Variants in BPIFB3 observed in about 807,000 individuals in gnomAD.
BPIFB3 encodes the protein BPI fold containing family B member 3, also known as BPI fold-containing family B member 3.
A neutral mutation model predicts 53.1 loss-of-function variants in BPIFB3; 49 were observed. The ratio of observed to expected loss-of-function variants is 0.92; its 90% confidence interval spans 0.73 to 1.17. The LOEUF is 1.17. Ranked by LOEUF, BPIFB3 falls within the 50% of genes most tolerant of loss-of-function variation. BPIFB3 has a pLI of 0.00. For synonymous variants in BPIFB3, 271 were observed against 269.6 expected (o/e 1.01, Z -0.05); for missense variants, 628 against 592.5 (o/e 1.06, Z -0.62).
chr20:33,068,694 G>A (rs558359137), intron 9 of BPIFB3, 109 bp from the exon 11 acceptor site: 28 of 1,159,896 alleles, frequency 2.4e-5, no homozygotes, highest in Admixed American at 1.6e-4. Context: ...CTGTAACCTC[G>A]TTGCCCAGCA....
intron 1 of BPIFB3, 43 bp from the exon 3 acceptor site, chr20:33,056,498 AG>A: frequency 6.2e-7 from 1 of 1,608,826 alleles, no homozygotes; most frequent in Non-Finnish European, 8.5e-7. Context: ...CCTGGGGGTG[AG>A]GTTGGAGTTT....
intron 14 of BPIFB3, 35 bp from the exon 16 acceptor site, chr20:33,073,541 T>G (rs200613397): frequency 6.2e-7 from 1 of 1,613,582 alleles, no homozygotes; most frequent in Admixed American, 1.7e-5. Context: ...TTGCAGAGAC[T>G]CAGGGGTGTA....
At chr20:33,069,682 A>G (rs953253938) in intron 10 of BPIFB3, among the ~76,000 whole-genome samples, 8 of 152,176 alleles carry the variant, frequency 5.3e-5, no homozygotes, top group South Asian at 2.1e-4. Flanking sequence ...TACATTACCA[A>G]TTGCCCTCAA....
upstream of BPIFB3, chr20:33,055,277 T>C: frequency 2.4e-6 from 3 of 1,226,026 alleles, no homozygotes; most frequent in South Asian, 1.4e-5. Flanking sequence ...TGCTTACATT[T>C]GGGAGGAGAA....
At chr20:33,054,682 C>A (rs1346295403), upstream of BPIFB3, among the ~76,000 whole-genome samples, 1 of 152,108 alleles carries the variant, frequency 6.6e-6, no homozygotes, top group Non-Finnish European at 1.5e-5. Context: ...TGGGTTTCAA[C>A]CCAGGGCAGC....
In BPIFB3 at chr20:33,063,598, G is replaced by A. The variant is rs778792599; in HGVS notation, c.592-17G>A. On this transcript the variant is annotated splice_polypyrimidine_tract_variant and intron_variant, in intron 5 of 14. Transcript: ENST00000375494. Reference sequence around the variant, plus strand: ...TGAGCTCTTCTTTGCCCTGTAACATGTGTCTCCCTGACACAGCTGTGCCCC... The same window carrying A: ...TGAGCTCTTCTTTGCCCTGTAACATATGTCTCCCTGACACAGCTGTGCCCC... 6.2e-6 allele frequency: 10 copies of A among 1,613,678 alleles called. No individual in the cohort carries two copies. In the African/African-American group the frequency reaches 1.1e-4, roughly 17 times the overall value.
At chr20:33,063,925 G>GCA (rs1428164006) in intron 6 of BPIFB3, among the ~76,000 whole-genome samples, 3 of 152,160 alleles carry the variant, frequency 2.0e-5, no homozygotes, top group African/African-American at 7.2e-5. Flanking sequence ...CACTTACTGA[G>GCA]CACCTAGTGT....
chr20:33,067,385 T>C (rs546679802), intron 9 of BPIFB3, among the ~76,000 whole-genome samples: 1 of 152,318 alleles, frequency 6.6e-6, no homozygotes, highest in South Asian at 2.1e-4. Flanking sequence ...GAATTCGTAC[T>C]GAAGTTAAAA....
chr20:33,063,422 C>A (rs529826991), intron 5 of BPIFB3, among the ~76,000 whole-genome samples, 193 bp from the exon 7 acceptor site: 1 of 152,216 alleles, frequency 6.6e-6, no homozygotes, highest in Non-Finnish European at 1.5e-5. Context: ...TGGGGGCCAC[C>A]CAACCCTCTG....
chr20:33,058,381 C>T (rs6059060), intron 2 of BPIFB3, among the ~76,000 whole-genome samples: 89,893 of 151,894 alleles, frequency 0.59, 27,990 homozygotes, highest in East Asian at 0.82. Flanking sequence ...ATGGGGAAAC[C>T]GAGGCACAGC....
At chr20:33,064,899 T>G in intron 8 of BPIFB3, 54 bp downstream of exon 9, 1 of 1,564,354 alleles carries the variant, frequency 6.4e-7, no homozygotes, top group Non-Finnish European at 8.7e-7. Flanking sequence ...TGCTGTGCCT[T>G]GGCATTACTA....
chr20:33,071,446 G>A, intron 12 of BPIFB3, 151 bp downstream of exon 13: 1 of 873,954 alleles, frequency 1.1e-6, no homozygotes, highest in Admixed American at 2.4e-5. Context: ...CAAATATCAG[G>A]GCGGGTGTGC....
chr20:33,064,861 G>C lies in BPIFB3; in HGVS notation c.924+16G>C, dbSNP rs556106617. On this transcript the variant is annotated intron_variant, in intron 8 of 14. Coordinates refer to ENST00000375494, the Ensembl canonical transcript of BPIFB3. Reference sequence around the variant, plus strand: ...CCCTGAGCTGGTGAGTGTGGTGCCCGGGGGATGGGGATGGGGGCTCCTTGC... The same window carrying C: ...CCCTGAGCTGGTGAGTGTGGTGCCCCGGGGATGGGGATGGGGGCTCCTTGC... 7 of 1,606,548 alleles carry C rather than the reference G, an allele frequency of 4.4e-6. No homozygotes were observed. The highest frequency in any genetic ancestry group is 5.1e-6 in the Non-Finnish European group (6 of 1,178,092).
Position 33,072,869 on chromosome 20 carries a change from G to A in BPIFB3, c.1401+76G>A, listed in dbSNP as rs112877505. 1.7e-4 allele frequency: 216 copies of A among 1,248,394 alleles called. 2 individuals are homozygous for A. In the African/African-American group the frequency reaches 2.4e-3, roughly 14 times the overall value. 77.3% of individuals were successfully genotyped at this position (1,248,394 alleles called of 1,614,324 possible). ...GAAAGCTCTGCTTGAAACTAATGAGGGGAATGCTTTGCTTCATCCTCTTGT... is the reference window on the plus strand; with the variant it reads ...GAAAGCTCTGCTTGAAACTAATGAGAGGAATGCTTTGCTTCATCCTCTTGT... On this transcript the variant is annotated intron_variant, in intron 14 of 14. Transcript: ENST00000375494.
intron 12 of BPIFB3, 146 bp from the exon 14 acceptor site, chr20:33,071,958 A>T (rs6059067): frequency 0.37 from 279,103 of 751,914 alleles, 54,186 homozygotes; most frequent in African/African-American, 0.52. Flanking sequence ...CCAAGTGCCC[A>T]GTGCCTGCCA....
chr20:33,062,430 G>A (rs556072849), intron 5 of BPIFB3, among the ~76,000 whole-genome samples: 1 of 152,150 alleles, frequency 6.6e-6, no homozygotes, highest in Non-Finnish European at 1.5e-5. Flanking sequence ...TCTTGCGAAC[G>A]CTGCTGGGGG....
rs202238178 is a variant in BPIFB3, at chr20:33,063,689, C to G, written c.652+14C>G. The G allele has an allele frequency of 6.2e-7, 1 of 1,612,424 alleles. No homozygotes were observed. Among genetic ancestry groups the G allele is most frequent in the Non-Finnish European group, 8.5e-7 (1 of 1,179,136 alleles). On this transcript the variant is annotated intron_variant, in intron 6 of 14. Coordinates refer to ENST00000375494, the Ensembl canonical transcript of BPIFB3. ...GGGCTGTGCTGGGTAAGTCAGGGCT[C>G]AATGCCCTCCTCTTTGCCCCTTCTA...
At chr20:33,071,951 A>T (rs1980916132) in intron 12 of BPIFB3, among the ~76,000 whole-genome samples, 153 bp from the exon 14 acceptor site, 1 of 152,122 alleles carries the variant, frequency 6.6e-6, no homozygotes, top group South Asian at 2.1e-4. Flanking sequence ...GCCACCCCCA[A>T]GTGCCCAGTG....
At position 33,064,864 on chromosome 20, in the gene BPIFB3, G is replaced by A. The variant is rs1600541326; in HGVS notation, c.924+19G>A. On this transcript the variant is annotated intron_variant, in intron 8 of 14. Transcript: ENST00000375494. ...TGAGCTGGTGAGTGTGGTGCCCGGGGGATGGGGATGGGGGCTCCTTGCCCT... is the reference window on the plus strand; with the variant it reads ...TGAGCTGGTGAGTGTGGTGCCCGGGAGATGGGGATGGGGGCTCCTTGCCCT... 6.2e-7 allele frequency: 1 copy of A among 1,604,734 alleles called. No homozygotes were observed. The highest frequency in any genetic ancestry group is 8.5e-7 in the Non-Finnish European group (1 of 1,177,600).
Sources: gnomAD v4.1 joint callset for allele counts (sites outside exome capture counted in the v4.1 genomes callset) on GRCh38, gnomAD v4.1.1 for gene constraint, MANE v1.5 for transcripts, NCBI Gene and HGNC (gene_info 2026-07-23, HGNC 2026-07-21) for gene names.